Variants in CNTRL observed in about 807,000 individuals in gnomAD.
The protein encoded by CNTRL is centriolin.
In CNTRL, 233 loss-of-function variants were observed where a neutral mutation model predicts 303.7. That is an observed-to-expected ratio of 0.77 (90% CI 0.69 to 0.86). CNTRL has a LOEUF of 0.86. CNTRL is among the 40% of genes least tolerant of loss of function. The probability of loss-of-function intolerance (pLI) is 0.00; values close to 1 mark genes in which losing one functional copy is unlikely to be tolerated. For missense variants in CNTRL, 2,524 were observed against 2,650.6 expected (o/e 0.95, Z 1.05); for synonymous variants, 900 against 922.2 (o/e 0.98, Z 0.44).
intron 23 of CNTRL, among the ~76,000 whole-genome samples, chr9:121,148,237 G>A (rs1296803580): frequency 6.6e-6 from 1 of 152,132 alleles, no homozygotes; most frequent in Non-Finnish European, 1.5e-5. Flanking sequence ...TTCCATTTTG[G>A]TATGGCCAAG....
chr9:121,125,654 G>A, intron 13 of CNTRL, 62 bp from the exon 14 acceptor site: 1 of 1,392,550 alleles, frequency 7.2e-7, no homozygotes, highest in Non-Finnish European at 1.0e-6. Context: ...ATAACAAAAT[G>A]CTGAGCAGAC....
chr9:121,080,267 G>A (rs899994915), intron 1 of CNTRL, 39 bp from the exon 2 acceptor site: 4 of 152,118 alleles, frequency 2.6e-5, no homozygotes, highest in African/African-American at 9.7e-5. Context: ...TACACATAAA[G>A]AGCTTATCAC....
chr9:121,173,656 T>C lies in CNTRL; in HGVS notation c.6685-19T>C, dbSNP rs756466846. 2 of 1,613,814 alleles carry C rather than the reference T, an allele frequency of 1.2e-6. No individual in the cohort carries two copies. Among genetic ancestry groups the C allele is most frequent in the South Asian group, 1.1e-5 (1 of 91,076 alleles). On this transcript the variant is annotated intron_variant, in intron 41 of 43. Coordinates refer to ENST00000373855, the MANE Select transcript of CNTRL (RefSeq NM_007018.6). ...AGCAGCAGATGATTCATGATATCTC[T>C]ATTTTCCCTCTGAGAAAGGATGAAC... is the stretch of plus-strand genomic sequence containing the variant.
At chr9:121,130,025 A>G (rs182821465) in intron 14 of CNTRL, among the ~76,000 whole-genome samples, 36 of 152,294 alleles carry the variant, frequency 2.4e-4, no homozygotes, top group Admixed American at 2.4e-3. Flanking sequence ...GTGCTGCTGG[A>G]TTCGGTTTGC....
At chr9:121,144,143 A>T in intron 20 of CNTRL, 61 bp downstream of exon 20, 1 of 1,401,984 alleles carries the variant, frequency 7.1e-7, no homozygotes, top group East Asian at 2.3e-5. Flanking sequence ...AAACATGGCA[A>T]CTTGTATTAT....
intron 25 of CNTRL, 102 bp from the exon 26 acceptor site, chr9:121,152,383 A>G: frequency 2.2e-6 from 2 of 913,776 alleles, no homozygotes; most frequent in Non-Finnish European, 3.4e-6. Flanking sequence ...TTTTTGGGCC[A>G]TTGATACCAC....
intron 42 of CNTRL, 118 bp downstream of exon 42, chr9:121,173,855 G>C: frequency 1.0e-6 from 1 of 954,556 alleles, no homozygotes; most frequent in Non-Finnish European, 1.7e-6. Flanking sequence ...CCTGCCAGCA[G>C]TGTCAGGGAT....
intron 12 of CNTRL, chr9:121,121,869 T>A: frequency 1.0e-6 from 1 of 985,396 alleles, no homozygotes; most frequent in Non-Finnish European, 1.2e-6. Context: ...CACATGAATT[T>A]GAAGACAGCA....
At chr9:121,163,865 CTT>C (rs35289557) in intron 34 of CNTRL, among the ~76,000 whole-genome samples, 25 of 138,144 alleles carry the variant, frequency 1.8e-4, no homozygotes, top group Middle Eastern at 3.7e-3. Flanking sequence ...TAACCAGGAA[CTT>C]TTTTTTTTTT....
chr9:121,123,799 A>T (rs371485878), intron 12 of CNTRL, 132 bp from the exon 13 acceptor site: 97 of 626,628 alleles, frequency 1.5e-4, no homozygotes, highest in South Asian at 1.3e-3. Flanking sequence ...AAAACAATAT[A>T]GGGCCTGACA....
intron 8 of CNTRL, among the ~76,000 whole-genome samples, chr9:121,110,531 T>A (rs1420282622): frequency 6.6e-6 from 1 of 152,174 alleles, no homozygotes; most frequent in Non-Finnish European, 1.5e-5. Flanking sequence ...TCTTGGTTTC[T>A]TGCAGGCCCT....
chr9:121,145,955 C>G (rs372052278), intron 22 of CNTRL, among the ~76,000 whole-genome samples, 153 bp from the exon 23 acceptor site: 19 of 152,286 alleles, frequency 1.2e-4, no homozygotes, highest in African/African-American at 4.3e-4. Context: ...GTTTACAAAT[C>G]AGTTTGCCTT....
intron 14 of CNTRL, among the ~76,000 whole-genome samples, chr9:121,130,600 C>G (rs142947611): frequency 4.3e-4 from 65 of 151,994 alleles, no homozygotes; most frequent in Admixed American, 1.0e-3. Flanking sequence ...TTCACTGATT[C>G]TTTTGAAGGG....
chr9:121,176,697 T>G (rs1158406483), intron 43 of CNTRL, among the ~76,000 whole-genome samples: 1 of 152,174 alleles, frequency 6.6e-6, no homozygotes, highest in Non-Finnish European at 1.5e-5. Context: ...TATTTAGAAG[T>G]CTGGGGTTGT....
Position 121,115,183 on chromosome 9 carries a change from G to T in CNTRL, c.1438G>T (p.Ala480Ser). Residue 480 changes from alanine (A) to serine (S), a missense_variant, in exon 11 of 44, where the codon GCT (alanine) becomes TCT (serine). By Grantham distance (99) the Ala-to-Ser change is moderately conservative. Transcript: ENST00000373855. ...ATEEFKQLEEAIQLKKISEAG... is the reference protein window; with the variant it reads ...ATEEFKQLEESIQLKKISEAG... ...TGAAGAATTTAAACAACTGGAAGAA[G>T]CTATACAACTAAAAAAGGTATGTAA... 1 of 1,585,170 alleles carries T rather than the reference G, an allele frequency of 6.3e-7. No homozygotes were observed.
intron 31 of CNTRL, among the ~76,000 whole-genome samples, chr9:121,159,582 G>A (rs895828762): frequency 6.6e-6 from 1 of 151,832 alleles, no homozygotes; most frequent in East Asian, 1.9e-4. Context: ...GCAGTGAGCC[G>A]AGATTGCACC....
chr9:121,120,819 G>T (rs1048353679), intron 12 of CNTRL, among the ~76,000 whole-genome samples: 1 of 152,222 alleles, frequency 6.6e-6, no homozygotes, highest in Admixed American at 6.5e-5. Context: ...AAATCAACCT[G>T]TGCAGTGGGG....
chr9:121,094,024 C>T (rs1308710310), intron 4 of CNTRL, among the ~76,000 whole-genome samples: 4 of 152,104 alleles, frequency 2.6e-5, no homozygotes, highest in Non-Finnish European at 5.9e-5. Flanking sequence ...GCAGGAGAAT[C>T]GCTTGAACCC....
At chr9:121,083,122 G>A (rs1214043715) in intron 2 of CNTRL, among the ~76,000 whole-genome samples, 2 of 152,084 alleles carry the variant, frequency 1.3e-5, no homozygotes, top group Non-Finnish European at 2.9e-5. Context: ...GAAGGTGTAG[G>A]ACATTACGGT....
Sources: allele counts gnomAD v4.1 joint callset (sites outside exome capture counted in the v4.1 genomes callset), GRCh38; gene constraint gnomAD v4.1.1; transcripts MANE v1.5; gene names NCBI Gene and HGNC (gene_info 2026-07-23, HGNC 2026-07-21).